AGO2: variants seen among roughly 807,000 people sequenced by gnomAD.
AGO2 encodes the protein argonaute RISC catalytic component 2.
In AGO2, 5 loss-of-function variants were observed where a neutral mutation model predicts 102.3. The observed-to-expected ratio is 0.05, with a 90% CI of 0.03 to 0.10. The LOEUF is 0.10. AGO2 is among the 10% of genes least tolerant of loss of function. The pLI, the probability that AGO2 is intolerant of heterozygous loss-of-function variation, is 1.00. For synonymous variants in AGO2, 449 were observed against 473.1 expected, an observed-to-expected ratio of 0.95 and a Z score of 0.66; for missense variants, 541 against 1,183.7, an observed-to-expected ratio of 0.46 and a Z score of 7.97.
intron 1 of AGO2, among the ~76,000 whole-genome samples, chr8:140,598,195 G>C (rs1175775154): frequency 6.6e-6 from 1 of 152,214 alleles, no homozygotes; most frequent in Non-Finnish European, 1.5e-5. Context: ...TCCACGACCC[G>C]TATGGGAAGA....
intron 2 of AGO2, among the ~76,000 whole-genome samples, chr8:140,584,719 G>A (rs987915196): frequency 6.6e-6 from 1 of 152,124 alleles, no homozygotes; most frequent in Non-Finnish European, 1.5e-5. Flanking sequence ...TCGGGATTGA[G>A]GGTGTGTCAC....
chr8:140,612,362 G>A (rs1180748034), intron 1 of AGO2, among the ~76,000 whole-genome samples: 4 of 151,696 alleles, frequency 2.6e-5, no homozygotes, highest in Admixed American at 2.6e-4. Context: ...GTGAGCTAGT[G>A]TGTTCCAAAT....
chr8:140,565,716 G>C (rs1041236247), intron 3 of AGO2, among the ~76,000 whole-genome samples: 8 of 152,006 alleles, frequency 5.3e-5, no homozygotes, highest in African/African-American at 1.7e-4. Context: ...TTAATTTACA[G>C]TTTATGTTAT....
intron 1 of AGO2, among the ~76,000 whole-genome samples, chr8:140,628,315 C>T (rs1343998137): frequency 2.6e-5 from 4 of 152,220 alleles, no homozygotes; most frequent in South Asian, 2.1e-4. Flanking sequence ...CGAACACCCA[C>T]GTGTGTGAGG....
At chr8:140,600,724 C>A (rs73362380) in intron 1 of AGO2, among the ~76,000 whole-genome samples, 1 of 151,236 alleles carries the variant, frequency 6.6e-6, no homozygotes, top group Non-Finnish European at 1.5e-5. Context: ...TTTTCCCATT[C>A]GGAGGAGAAT....
chr8:140,608,549 G>A (rs1448871614), intron 1 of AGO2, among the ~76,000 whole-genome samples: 6 of 152,226 alleles, frequency 3.9e-5, no homozygotes, highest in Non-Finnish European at 7.4e-5. Flanking sequence ...AGCAGGGACC[G>A]GGGCGGGGAC....
At position 140,521,805 on chromosome 8, in the gene AGO2, C is replaced by G. The variant is rs905794299; in HGVS notation, c.*10239G>C. 4 of 152,192 alleles carry G rather than the reference C, an allele frequency of 2.6e-5. No homozygotes were observed. The highest frequency in any genetic ancestry group is 9.7e-5 in the African/African-American group (4 of 41,436). 9.4% of individuals were successfully genotyped at this position (152,192 alleles called of 1,614,324 possible). A position where few individuals can be genotyped will look rare whatever the true frequency, so the allele number is the denominator to read the frequency against. On this transcript the variant is annotated 3_prime_UTR_variant, in exon 19 of 19. Coordinates refer to ENST00000220592, the MANE Select transcript of AGO2 (RefSeq NM_012154.5). ...GAAATCGACAACAGTCCGTTTGCTG[C>G]TTATGAAATAAACTCTTAGAAAATG...
In AGO2 at chr8:140,539,948, G is replaced by C. The variant is rs113394639; in HGVS notation, c.2035-494C>G. 6.6e-6 allele frequency among the ~76,000 whole-genome samples: 1 copy of C among 152,136 alleles called. No individual in the cohort carries two copies. The highest frequency in any genetic ancestry group is 2.4e-5 in the African/African-American group (1 of 41,436). ...CTAAAAATACAAAAATTAACTGGGC[G>C]TGGTGGTGGGCACCTGTCGTAATCC... On this transcript the variant is annotated intron_variant, in intron 15 of 18. Coordinates refer to ENST00000220592, the MANE Select transcript of AGO2 (RefSeq NM_012154.5). This position sits in a 1 kb window ranked among gnomAD's most constrained non-coding sequence, Gnocchi z 4.7.
At chr8:140,551,081 G>A (rs1301131658) in intron 11 of AGO2, among the ~76,000 whole-genome samples, 2 of 152,180 alleles carry the variant, frequency 1.3e-5, no homozygotes, top group African/African-American at 2.4e-5. Context: ...TGCTCACTGC[G>A]AGGGTGGGTC....
intron 10 of AGO2, among the ~76,000 whole-genome samples, chr8:140,552,393 G>A (rs1427623601): frequency 1.3e-5 from 2 of 152,228 alleles, no homozygotes; most frequent in Admixed American, 1.3e-4. Context: ...AGGGAAGGGT[G>A]GGCCAGGAAG....
At chr8:140,564,288 G>C (rs2132950886) in intron 3 of AGO2, among the ~76,000 whole-genome samples, 1 of 152,156 alleles carries the variant, frequency 6.6e-6, no homozygotes, top group Non-Finnish European at 1.5e-5. Flanking sequence ...GGACAGCGGA[G>C]GGGGTGGCGG....
intron 2 of AGO2, among the ~76,000 whole-genome samples, chr8:140,580,897 C>T (rs1233504153): frequency 6.6e-6 from 1 of 152,276 alleles, no homozygotes; most frequent in Non-Finnish European, 1.5e-5. Context: ...CCTGCATTTG[C>T]TGCTTACCAA....
intron 2 of AGO2, among the ~76,000 whole-genome samples, chr8:140,573,363 G>C (rs938812530): frequency 1.3e-5 from 2 of 150,968 alleles, no homozygotes; most frequent in African/African-American, 4.9e-5. Flanking sequence ...TTTTTTAGTA[G>C]ATACAAGGTT....
chr8:140,560,387 C>T lies in AGO2; in HGVS notation c.642G>A (p.Met214Ile). The T allele has an allele frequency of 1.2e-6, 2 of 1,614,166 alleles. No individual in the cohort carries two copies. Among genetic ancestry groups the T allele is most frequent in the Non-Finnish European group, 1.7e-6 (2 of 1,180,000 alleles). Reference sequence around the variant, plus strand: ...GGCGCTGCTTACCATCAATATTCAGCATCATTTTCCAGAGAGAAGGCCGGA... The same window carrying T: ...GGCGCTGCTTACCATCAATATTCAGTATCATTTTCCAGAGAGAAGGCCGGA... ...QSVRPSLWKM[M>I]LNIDVSATAF... The change falls in exon 5 of 19, where the codon ATG (methionine) becomes ATA (isoleucine). Residue 214 changes from methionine (M) to isoleucine (I), a missense_variant. Around this residue, in one of 6 missense-constraint regions of AGO2, gnomAD observed 21 missense variants for 105.0 expected, o/e 0.20. Transcript: ENST00000220592.
intron 3 of AGO2, 39 bp from the exon 4 acceptor site, chr8:140,562,673 C>G (rs570958717): frequency 6.9e-6 from 11 of 1,595,316 alleles, no homozygotes; most frequent in South Asian, 6.7e-5. Flanking sequence ...CTCCCTCCTG[C>G]GAAGCCCCAG....
At chr8:140,593,449 C>T (rs2073774558) in intron 1 of AGO2, among the ~76,000 whole-genome samples, 1 of 151,842 alleles carries the variant, frequency 6.6e-6, no homozygotes, top group Non-Finnish European at 1.5e-5. Flanking sequence ...GCCTCGGCCT[C>T]CCAAAGTGCT....
chr8:140,571,772 G>A (rs1298443280), intron 3 of AGO2, among the ~76,000 whole-genome samples: 1 of 152,182 alleles, frequency 6.6e-6, no homozygotes, highest in Non-Finnish European at 1.5e-5. Flanking sequence ...TTGAGACTGA[G>A]TCTCACTCTG....
intron 2 of AGO2, among the ~76,000 whole-genome samples, chr8:140,580,864 G>A (rs1436598020): frequency 6.6e-6 from 1 of 152,248 alleles, no homozygotes; most frequent in African/African-American, 2.4e-5. Flanking sequence ...GGTTGGCCTT[G>A]GCCCTGTGCA....
At chr8:140,544,398 T>A in intron 13 of AGO2, 95 bp from the exon 14 acceptor site, 1 of 994,670 alleles carries the variant, frequency 1.0e-6, no homozygotes, top group Non-Finnish European at 1.5e-6. Context: ...GTGGTCAGTG[T>A]ATCATGGTAA....
Sources: allele counts gnomAD v4.1 joint callset (sites outside exome capture counted in the v4.1 genomes callset), GRCh38; gene constraint gnomAD v4.1.1; regional missense constraint gnomAD v4.1.1; non-coding constraint Gnocchi (gnomAD v3.1); transcripts MANE v1.5; gene names NCBI Gene and HGNC (gene_info 2026-07-23, HGNC 2026-07-21).